The following DCC variants were observed in gnomAD, a reference collection of about 807,000 sequenced individuals.
DCC encodes the protein netrin receptor DCC.
A neutral mutation model predicts 172.5 loss-of-function variants in DCC; 58 were observed. The ratio of observed to expected loss-of-function variants is 0.34; its 90% CI spans 0.27 to 0.42. DCC has a LOEUF of 0.42. DCC is among the 10% of genes least tolerant of loss of function. The probability of loss-of-function intolerance (pLI) is 1.00; values close to 1 mark genes in which losing one functional copy is unlikely to be tolerated. For missense variants in DCC, 1,740 were observed against 1,791.0 expected (o/e 0.97, Z 0.51); for synonymous variants, 709 against 644.5 (o/e 1.10, Z -1.52).
At chr18:52,914,407 A>G (rs2040011535) in intron 3 of DCC, among the ~76,000 whole-genome samples, 1 of 152,106 alleles carries the variant, frequency 6.6e-6, no homozygotes, top group Non-Finnish European at 1.5e-5. Context: ...GGAAATATGA[A>G]CAGATGTAGG....
intron 15 of DCC, among the ~76,000 whole-genome samples, chr18:53,371,144 A>C (rs1217645416): frequency 6.6e-6 from 1 of 151,688 alleles, no homozygotes; most frequent in Non-Finnish European, 1.5e-5. Flanking sequence ...CAAATCTTAT[A>C]AGATGAGCAA....
chr18:52,960,426 G>C (rs2040823687), intron 5 of DCC, among the ~76,000 whole-genome samples: 1 of 151,988 alleles, frequency 6.6e-6, no homozygotes, highest in Admixed American at 6.6e-5. Context: ...TTTTAATGTT[G>C]CTTTAGGCCT....
At chr18:53,453,863 C>A (rs900438379) in intron 23 of DCC, among the ~76,000 whole-genome samples, 1 of 152,058 alleles carries the variant, frequency 6.6e-6, no homozygotes, top group Non-Finnish European at 1.5e-5. Context: ...AGGTAACAAT[C>A]TTCTACTTTT....
At chr18:52,981,879 A>C (rs1476579891) in intron 5 of DCC, among the ~76,000 whole-genome samples, 2 of 152,138 alleles carry the variant, frequency 1.3e-5, no homozygotes, top group African/African-American at 4.8e-5. Context: ...TAATGGAGAG[A>C]AGAGTTTGGG....
At chr18:53,468,892 T>C (rs1168333724) in intron 25 of DCC, among the ~76,000 whole-genome samples, 1 of 152,160 alleles carries the variant, frequency 6.6e-6, no homozygotes, top group Non-Finnish European at 1.5e-5. Flanking sequence ...AATTACAGTA[T>C]TCATGCAGAT....
chr18:53,442,944 G>GAAGAAGAAT (rs1244987121), intron 22 of DCC, among the ~76,000 whole-genome samples: 1 of 152,176 alleles, frequency 6.6e-6, no homozygotes, highest in Admixed American at 6.5e-5. Context: ...AGAAGCTGCA[G>GAAGAAGAAT]AAGAAGAATT....
At chr18:53,527,926 G>A (rs1186050705) in intron 28 of DCC, among the ~76,000 whole-genome samples, 8 of 151,844 alleles carry the variant, frequency 5.3e-5, no homozygotes, top group Admixed American at 5.2e-4. Flanking sequence ...TATTACATTT[G>A]GATCTTTTTT....
At chr18:52,823,222 A>G (rs541378751) in intron 2 of DCC, among the ~76,000 whole-genome samples, 1 of 152,080 alleles carries the variant, frequency 6.6e-6, no homozygotes, top group Non-Finnish European at 1.5e-5. Context: ...TAAACCCAGT[A>G]CTTTGGGAGG....
At chr18:52,927,424 G>A (rs2040235830) in intron 5 of DCC, among the ~76,000 whole-genome samples, 1 of 151,718 alleles carries the variant, frequency 6.6e-6, no homozygotes, top group African/African-American at 2.4e-5. Flanking sequence ...TACAGGCAGT[G>A]CATTTCTATA....
chr18:53,203,987 A>AACCTG (rs1317934766), intron 9 of DCC, among the ~76,000 whole-genome samples: 2 of 152,172 alleles, frequency 1.3e-5, no homozygotes, highest in Non-Finnish European at 2.9e-5. Flanking sequence ...TCTGTATCTG[A>AACCTG]ACCTGACCTG....
At chr18:53,382,986 A>T (rs1380105595) in intron 15 of DCC, among the ~76,000 whole-genome samples, 1 of 152,144 alleles carries the variant, frequency 6.6e-6, no homozygotes, top group Non-Finnish European at 1.5e-5. Flanking sequence ...ATTTTGATAT[A>T]AAACCCAGAT....
At chr18:52,921,070 C>T (rs1296216752) in intron 3 of DCC, among the ~76,000 whole-genome samples, 2 of 152,136 alleles carry the variant, frequency 1.3e-5, no homozygotes, top group East Asian at 1.9e-4. Flanking sequence ...TTTTAGGATG[C>T]TGAGATTATT....
intron 1 of DCC, among the ~76,000 whole-genome samples, chr18:52,743,321 T>C (rs930624308): frequency 3.3e-5 from 5 of 152,190 alleles, no homozygotes; most frequent in Admixed American, 3.3e-4. Flanking sequence ...TAGCTTATAT[T>C]TCATCAAACT....
intron 1 of DCC, among the ~76,000 whole-genome samples, chr18:52,725,642 G>A (rs1007966154): frequency 3.3e-5 from 5 of 152,118 alleles, no homozygotes; most frequent in Non-Finnish European, 7.3e-5. Context: ...GGAGGTATGC[G>A]ACTCATGGGA....
chr18:52,727,791 T>G (rs1599052770), intron 1 of DCC, among the ~76,000 whole-genome samples: 1 of 152,092 alleles, frequency 6.6e-6, no homozygotes, highest in Non-Finnish European at 1.5e-5. Context: ...AGGGCTGAAA[T>G]GTACACATTT....
At chr18:53,128,400 A>T (rs542774067) in intron 7 of DCC, among the ~76,000 whole-genome samples, 1 of 152,118 alleles carries the variant, frequency 6.6e-6, no homozygotes, top group South Asian at 2.1e-4. Flanking sequence ...TTTCCTTCTA[A>T]TATTTGATGG....
chr18:52,401,771 ATT>A (rs1986450162), intron 1 of DCC, among the ~76,000 whole-genome samples: 1 of 152,024 alleles, frequency 6.6e-6, no homozygotes, highest in South Asian at 2.1e-4. Context: ...TTAGAAGTTC[ATT>A]ATGCTCAATT....
chr18:53,068,634 T>C (rs976467700), intron 7 of DCC, among the ~76,000 whole-genome samples: 1 of 151,838 alleles, frequency 6.6e-6, no homozygotes, highest in South Asian at 2.1e-4. Flanking sequence ...ACCAAAGAAG[T>C]CCAGTGAGCA....
chr18:53,514,841 T>G (rs555498672), intron 27 of DCC, among the ~76,000 whole-genome samples: 100 of 151,968 alleles, frequency 6.6e-4, no homozygotes, highest in African/African-American at 2.2e-3. Flanking sequence ...CAGGACCAGA[T>G]GGATTCACAG....
Sources: gnomAD v4.1 joint callset for allele counts (sites outside exome capture counted in the v4.1 genomes callset) on GRCh38, gnomAD v4.1.1 for gene constraint, MANE v1.5 for transcripts, NCBI Gene and HGNC (gene_info 2026-07-23, HGNC 2026-07-21) for gene names.